Variants in GPC6 observed in about 807,000 individuals in gnomAD.
The protein encoded by GPC6 is glypican 6, also known as glypican-6.
Under a neutral mutation model 55.2 loss-of-function variants are expected in GPC6, and 14 were observed. The ratio of observed to expected loss-of-function variants is 0.25; its 90% confidence interval spans 0.17 to 0.40. GPC6 has a LOEUF of 0.40. Ranked by LOEUF, GPC6 falls within the 10% of genes least tolerant of loss-of-function variation. GPC6 has a pLI of 1.00. For synonymous variants in GPC6, 278 were observed against 259.6 expected (o/e 1.07, Z -0.68); for missense variants, 641 against 708.5 (o/e 0.90, Z 1.08).
chr13:94,080,495 T>C lies in GPC6; in HGVS notation c.877+52601T>C, dbSNP rs574272506. ...CAAAATAAATAAATACCAGTGGCAA[T>C]AGGAAGAATGATAATCAGGTTAATA... On this transcript the variant is annotated intron_variant, in intron 4 of 8. Coordinates refer to ENST00000377047, the MANE Select transcript of GPC6 (RefSeq NM_005708.5). Among the ~76,000 whole-genome samples the C allele has an allele frequency of 4.9e-3, 748 of 152,264 alleles. 14 individuals are homozygous for C. The highest frequency in any genetic ancestry group is 0.017 in the African/African-American group (702 of 41,536).
At chr13:93,764,656 T>A (rs1390147237) in intron 2 of GPC6, among the ~76,000 whole-genome samples, 1 of 151,758 alleles carries the variant, frequency 6.6e-6, no homozygotes, top group Non-Finnish European at 1.5e-5. Context: ...TAATGACATA[T>A]CTATGTTAAC....
chr13:93,987,530 T>A (rs1881085251), intron 3 of GPC6, among the ~76,000 whole-genome samples: 1 of 152,240 alleles, frequency 6.6e-6, no homozygotes, highest in South Asian at 2.1e-4. Context: ...TAAATTTGAC[T>A]GTGACTATGA....
At chr13:93,818,000 CATAAATT>C (rs1334397213) in intron 2 of GPC6, among the ~76,000 whole-genome samples, 1 of 146,640 alleles carries the variant, frequency 6.8e-6, no homozygotes. Context: ...AAAATAAAAA[CATAAATT>C]ATATACTTAT....
intron 3 of GPC6, among the ~76,000 whole-genome samples, chr13:93,846,050 C>A (rs888685463): frequency 6.6e-6 from 1 of 152,026 alleles, no homozygotes. Context: ...TCTACTATTT[C>A]TGATGTTAGG....
intron 4 of GPC6, among the ~76,000 whole-genome samples, chr13:94,193,093 G>GTA (rs1250626208): frequency 7.2e-6 from 1 of 139,474 alleles, no homozygotes; most frequent in Non-Finnish European, 1.6e-5. Context: ...GTGTGTGTGT[G>GTA]TGTGTATTTC....
intron 1 of GPC6, among the ~76,000 whole-genome samples, chr13:93,362,882 C>A (rs949900873): frequency 6.6e-6 from 1 of 152,074 alleles, no homozygotes; most frequent in Admixed American, 6.6e-5. Flanking sequence ...CATTGCTTAG[C>A]AAGTACAAAT....
chr13:93,434,257 G>A (rs192382090), intron 1 of GPC6, among the ~76,000 whole-genome samples: 9 of 152,238 alleles, frequency 5.9e-5, no homozygotes, highest in East Asian at 3.9e-4. Flanking sequence ...ATGTTGTTTC[G>A]GTTCAGCTAC....
chr13:93,514,021 C>T (rs1881086870), intron 1 of GPC6, among the ~76,000 whole-genome samples: 1 of 151,718 alleles, frequency 6.6e-6, no homozygotes, highest in Non-Finnish European at 1.5e-5. Context: ...TTACAGGCAC[C>T]CACCACCACG....
chr13:93,888,637 T>A (rs1875483658), intron 3 of GPC6, among the ~76,000 whole-genome samples: 1 of 152,202 alleles, frequency 6.6e-6, no homozygotes. Flanking sequence ...CAGTACTTTC[T>A]TCTCTTAGAT....
chr13:93,233,137 A>T (rs554328048), intron 1 of GPC6, among the ~76,000 whole-genome samples: 1 of 152,238 alleles, frequency 6.6e-6, no homozygotes, highest in South Asian at 2.1e-4. Context: ...AGATTTCTCC[A>T]GTATTATTCA....
chr13:93,735,033 G>A (rs1427951534), intron 2 of GPC6, among the ~76,000 whole-genome samples: 1 of 151,984 alleles, frequency 6.6e-6, no homozygotes, highest in East Asian at 1.9e-4. Context: ...TTGCTGACAT[G>A]TTTTGTCCAT....
At chr13:93,635,623 C>T (rs1345817935) in intron 2 of GPC6, among the ~76,000 whole-genome samples, 4 of 152,152 alleles carry the variant, frequency 2.6e-5, no homozygotes, top group Non-Finnish European at 5.9e-5. Context: ...ATACTCAGAG[C>T]AATGCTGGGA....
intron 2 of GPC6, among the ~76,000 whole-genome samples, chr13:93,749,040 G>A (rs1413571079): frequency 6.6e-6 from 1 of 151,982 alleles, no homozygotes; most frequent in Non-Finnish European, 1.5e-5. Flanking sequence ...GAGAATCAAA[G>A]ATGCTATTTC....
intron 4 of GPC6, among the ~76,000 whole-genome samples, chr13:94,184,592 G>A (rs1594033678): frequency 6.6e-6 from 1 of 151,902 alleles, no homozygotes; most frequent in Non-Finnish European, 1.5e-5. Context: ...CAATGAGATA[G>A]CATCTCACAC....
chr13:94,085,392 C>G (rs1367575040), intron 4 of GPC6, among the ~76,000 whole-genome samples: 1 of 151,388 alleles, frequency 6.6e-6, no homozygotes, highest in Non-Finnish European at 1.5e-5. Context: ...TTGTCTTGGC[C>G]TTGTTTTTGC....
At position 94,234,288 on chromosome 13, in the gene GPC6, T is replaced by G. The variant is rs190066363; in HGVS notation, c.878-52061T>G. Among the ~76,000 whole-genome samples, 20 of 152,298 alleles carry G rather than the reference T, an allele frequency of 1.3e-4. No homozygotes were observed. In the East Asian group the frequency reaches 3.7e-3, roughly 28 times the overall value. On this transcript the variant is annotated intron_variant, in intron 4 of 8. Transcript: ENST00000377047. ...TAAGGATGTACTGTGAACTCAGAAG[T>G]ATTCCATGTTTACAGGTATAACTAA...
intron 3 of GPC6, among the ~76,000 whole-genome samples, chr13:93,990,678 A>T (rs1881257829): frequency 1.3e-5 from 2 of 150,658 alleles, no homozygotes; most frequent in East Asian, 3.9e-4. Flanking sequence ...GCAACATAGC[A>T]AGACCCATCT....
intron 1 of GPC6, among the ~76,000 whole-genome samples, chr13:93,364,952 T>C (rs1337243528): frequency 6.6e-6 from 1 of 152,010 alleles, no homozygotes; most frequent in East Asian, 1.9e-4. Flanking sequence ...TCTTCTTCCT[T>C]GGCATACTCC....
intron 1 of GPC6, among the ~76,000 whole-genome samples, chr13:93,378,506 C>T (rs180950871): frequency 6.6e-6 from 1 of 152,188 alleles, no homozygotes; most frequent in East Asian, 1.9e-4. Flanking sequence ...CCCTAAGGCA[C>T]TTTGTACATG....
Sources: gnomAD v4.1 joint callset for allele counts (sites outside exome capture counted in the v4.1 genomes callset) on GRCh38, gnomAD v4.1.1 for gene constraint, MANE v1.5 for transcripts, NCBI Gene and HGNC (gene_info 2026-07-23, HGNC 2026-07-21) for gene names.